Variants in RIMBP2 observed in about 807,000 individuals in gnomAD.
RIMBP2 encodes the protein RIMS-binding protein 2.
Under a neutral mutation model 118.6 loss-of-function variants are expected in RIMBP2, and 48 were observed. The observed-to-expected ratio is 0.40, with a 90% CI of 0.32 to 0.51. The LOEUF is 0.51. RIMBP2 is among the 20% of genes least tolerant of loss of function. RIMBP2 has a pLI of 0.41. For missense variants in RIMBP2, 1,551 were observed against 1,768.3 expected, an observed-to-expected ratio of 0.88 and a Z score of 2.20; for synonymous variants, 762 against 742.9, an observed-to-expected ratio of 1.03 and a Z score of -0.42.
At chr12:130,636,840 T>C (rs2062373245) in intron 1 of RIMBP2, among the ~76,000 whole-genome samples, 1 of 152,108 alleles carries the variant, frequency 6.6e-6, no homozygotes, top group Non-Finnish European at 1.5e-5. Context: ...ACAGCTGGGT[T>C]TTTCAGTTGT....
intron 3 of RIMBP2, among the ~76,000 whole-genome samples, chr12:130,512,558 GGTGAT>G (rs2051026328): frequency 6.6e-6 from 1 of 152,276 alleles, no homozygotes; most frequent in East Asian, 1.9e-4. Context: ...CCTGACCTCA[GGTGAT>G]CCACCCGCCT....
chr12:130,498,468 T>A (rs1002726505), intron 4 of RIMBP2, among the ~76,000 whole-genome samples: 2 of 152,124 alleles, frequency 1.3e-5, no homozygotes, highest in Non-Finnish European at 2.9e-5. Context: ...GGCAGACAGT[T>A]AAAGCAGACA....
intron 2 of RIMBP2, among the ~76,000 whole-genome samples, chr12:130,590,694 G>A (rs538723118): frequency 3.8e-4 from 58 of 152,284 alleles, no homozygotes; most frequent in East Asian, 3.9e-4. Flanking sequence ...GGAGCCCTCC[G>A]CTTGCCAGGA....
At chr12:130,586,911 A>G (rs2058923151) in intron 2 of RIMBP2, among the ~76,000 whole-genome samples, 1 of 84,290 alleles carries the variant, frequency 1.2e-5, no homozygotes, top group African/African-American at 4.7e-5. Context: ...ATGGGAGAAA[A>G]TTTTCGCAAC....
At chr12:130,457,992 C>T (rs1247687868) in intron 6 of RIMBP2, among the ~76,000 whole-genome samples, 4 of 152,158 alleles carry the variant, frequency 2.6e-5, no homozygotes, top group Non-Finnish European at 1.5e-5. Flanking sequence ...ATGTCAGCCC[C>T]ATGAGGGCAG....
intron 1 of RIMBP2, among the ~76,000 whole-genome samples, chr12:130,691,601 G>A (rs1226451878): frequency 6.6e-6 from 1 of 152,174 alleles, no homozygotes; most frequent in Admixed American, 6.5e-5. Context: ...ATCCCAGGAG[G>A]TGAAGGCTGC....
rs113233462 is a variant in RIMBP2 at position 130,621,153 on chromosome 12, G to C, written c.-217+7169C>G. Among the ~76,000 whole-genome samples the C allele has an allele frequency of 3.9e-4, 59 of 152,262 alleles. No homozygotes were observed. Among genetic ancestry groups the C allele is most frequent in the Middle Eastern group, 6.8e-3 (2 of 294 alleles). ...CTACGTGGAAAGTGACCTTAGGTGA[G>C]TTGGAAACCCTTGAGTTCAGTCACC... is the stretch of plus-strand genomic sequence containing the variant. On this transcript the variant is annotated intron_variant, in intron 2 of 22. Coordinates refer to ENST00000690449, the MANE Select transcript of RIMBP2 (RefSeq NM_001393629.1). This position sits in a 1 kb window ranked among gnomAD's most constrained non-coding sequence, Gnocchi z 6.6.
intron 2 of RIMBP2, among the ~76,000 whole-genome samples, chr12:130,610,385 A>G (rs1350254154): frequency 8.5e-5 from 13 of 152,190 alleles, no homozygotes; most frequent in Admixed American, 7.9e-4. Flanking sequence ...CCCAAAAGTC[A>G]GGTAATTTTT....
At chr12:130,632,545 G>A (rs2062064025) in intron 1 of RIMBP2, among the ~76,000 whole-genome samples, 1 of 152,106 alleles carries the variant, frequency 6.6e-6, no homozygotes, top group Admixed American at 6.6e-5. Context: ...GCCGGGATGT[G>A]CTTTTTCAAC....
chr12:130,597,684 GACA>G (rs1234191665), intron 2 of RIMBP2, among the ~76,000 whole-genome samples: 8 of 152,240 alleles, frequency 5.3e-5, no homozygotes, highest in Admixed American at 4.6e-4. Flanking sequence ...TCTGAGAAAT[GACA>G]ACGTCTATAA....
At chr12:130,484,989 G>T (rs1377282449) in intron 4 of RIMBP2, among the ~76,000 whole-genome samples, 3 of 152,178 alleles carry the variant, frequency 2.0e-5, no homozygotes, top group African/African-American at 7.2e-5. Context: ...CTTCATAGAG[G>T]TGTTTTGAAT....
chr12:130,546,783 T>G (rs1474439002), intron 2 of RIMBP2, among the ~76,000 whole-genome samples: 4 of 152,334 alleles, frequency 2.6e-5, no homozygotes, highest in South Asian at 2.1e-4. Context: ...GACTCATTTG[T>G]TTTTTAATTT....
Position 130,703,451 on chromosome 12 carries a change from AGCGTG to A in RIMBP2, c.-352+12766_-352+12770del, listed in dbSNP as rs1055506511. On this transcript the variant is annotated intron_variant, in intron 1 of 22. Transcript: ENST00000690449. The surrounding 1 kb of genome is among the most constrained non-coding windows in gnomAD (Gnocchi z 5.7). ...TCTCAAACGATCACTGTTTTTTAAA[AGCGTG>A]GCACGGGCACTCCCTCGGCCACCCG... is the stretch of plus-strand genomic sequence containing the variant. Among the ~76,000 whole-genome samples, 19 of 152,314 alleles carry A rather than the reference AGCGTG, an allele frequency of 1.2e-4. No homozygotes were observed. The highest frequency in any genetic ancestry group is 4.6e-4 in the African/African-American group (19 of 41,564).
rs1367342342 is a variant in RIMBP2 at position 130,578,259 on chromosome 12, TCTCTGC to T, written c.-217+50057_-217+50062del. ...TCCATCCACTTCTGAACCTTCCTGT[TCTCTGC>T]CTCTACTGGCCTCTGGTCTACCCAA... On this transcript the variant is annotated intron_variant, in intron 2 of 22. Coordinates refer to ENST00000690449, the MANE Select transcript of RIMBP2 (RefSeq NM_001393629.1). The surrounding 1 kb of genome is among the most constrained non-coding windows in gnomAD (Gnocchi z 4.1). Among the ~76,000 whole-genome samples the T allele has an allele frequency of 6.6e-6, 1 of 152,186 alleles. No homozygotes were observed. Among genetic ancestry groups the T allele is most frequent in the Non-Finnish European group, 1.5e-5 (1 of 68,032 alleles).
Position 130,445,320 on chromosome 12 carries a change from G to A in RIMBP2, c.582-51C>T, listed in dbSNP as rs376306450. The A allele has an allele frequency of 1.7e-4, 224 of 1,345,510 alleles. 2 individuals carry two copies. In the South Asian group the frequency reaches 2.1e-3, roughly 12 times the overall value. The allele number at this position is 1,345,510 out of a possible 1,614,324, so 83.3% of individuals were successfully genotyped here. On this transcript the variant is annotated intron_variant, in intron 9 of 22. Coordinates refer to ENST00000690449, the MANE Select transcript of RIMBP2 (RefSeq NM_001393629.1). Reference sequence around the variant, plus strand: ...TTAGAGGCTCTGGAGGACACAGCCCGCACCCCTGTCCGTGCAGAACGCCAG... The same window carrying A: ...TTAGAGGCTCTGGAGGACACAGCCCACACCCCTGTCCGTGCAGAACGCCAG...
intron 1 of RIMBP2, among the ~76,000 whole-genome samples, chr12:130,629,974 T>TAA (rs33932481): frequency 0.56 from 57,580 of 103,704 alleles, 16,544 homozygotes; most frequent in Non-Finnish European, 0.64. Context: ...AATCAAGCTT[T>TAA]AAAAAAAAAA....
chr12:130,540,872 G>A (rs1035028444), intron 2 of RIMBP2, among the ~76,000 whole-genome samples: 1 of 152,160 alleles, frequency 6.6e-6, no homozygotes, highest in Non-Finnish European at 1.5e-5. Context: ...AACAGTTTCT[G>A]GGTATTTCAA....
At chr12:130,438,781 ACTGT>A (rs1020439180) in intron 11 of RIMBP2, among the ~76,000 whole-genome samples, 1 of 151,946 alleles carries the variant, frequency 6.6e-6, no homozygotes, top group African/African-American at 2.4e-5. Flanking sequence ...GCAAACCTAA[ACTGT>A]CTGTGGAACC....
At chr12:130,585,076 G>C (rs2058795209) in intron 2 of RIMBP2, among the ~76,000 whole-genome samples, 1 of 152,076 alleles carries the variant, frequency 6.6e-6, no homozygotes, top group Non-Finnish European at 1.5e-5. Flanking sequence ...TCTTTGTAGA[G>C]ATGAGGTCTC....
Sources: gnomAD v4.1 joint callset for allele counts (sites outside exome capture counted in the v4.1 genomes callset) on GRCh38, gnomAD v4.1.1 for gene constraint, Gnocchi (gnomAD v3.1) non-coding constraint, MANE v1.5 for transcripts, NCBI Gene and HGNC (gene_info 2026-07-23, HGNC 2026-07-21) for gene names.